SCN10A: variants seen among roughly 807,000 people sequenced by gnomAD.
The protein encoded by SCN10A is sodium channel protein type 10 subunit alpha.
In SCN10A, 162 loss-of-function variants were observed where a neutral mutation model predicts 170.7. The observed-to-expected ratio is 0.95, with a 90% CI of 0.84 to 1.08. SCN10A has a LOEUF of 1.08. Among genes scored for constraint, SCN10A ranks in the 50% least tolerant of loss-of-function variants. SCN10A has a pLI of 0.00. For synonymous variants in SCN10A, 985 were observed against 904.6 expected (o/e 1.09, Z -1.59); for missense variants, 2,527 against 2,436.9 (o/e 1.04, Z -0.78).
At chr3:38,730,921 A>T (rs1273720760) in intron 15 of SCN10A, among the ~76,000 whole-genome samples, 1 of 152,200 alleles carries the variant, frequency 6.6e-6, no homozygotes, top group Non-Finnish European at 1.5e-5. Flanking sequence ...CCAGAAGGAG[A>T]AAAAATAGAA....
intron 23 of SCN10A, 76 bp from the exon 24 acceptor site, chr3:38,710,973 C>T: frequency 7.8e-7 from 1 of 1,282,136 alleles, no homozygotes. Flanking sequence ...CATGGTGGCC[C>T]AGTGAGAGAG....
chr3:38,721,837 T>G (rs952710785), intron 20 of SCN10A, among the ~76,000 whole-genome samples: 1 of 152,224 alleles, frequency 6.6e-6, no homozygotes, highest in African/African-American at 2.4e-5. Context: ...TAGTCCTTTT[T>G]GTATTGTAGG....
chr3:38,771,984 T>C (rs2126041520), intron 4 of SCN10A, among the ~76,000 whole-genome samples: 1 of 152,294 alleles, frequency 6.6e-6, no homozygotes, highest in Middle Eastern at 3.4e-3. Context: ...CTTGAAAGTT[T>C]TTTACAGGAA....
chr3:38,811,039 T>C (rs186691106), intron 1 of SCN10A, among the ~76,000 whole-genome samples: 3 of 152,226 alleles, frequency 2.0e-5, no homozygotes, highest in African/African-American at 7.2e-5. Flanking sequence ...TAATCTTGGA[T>C]ACTGGAGCCA....
intron 3 of SCN10A, among the ~76,000 whole-genome samples, chr3:38,790,525 T>A (rs1320867998): frequency 6.6e-6 from 1 of 151,988 alleles, no homozygotes; most frequent in African/African-American, 2.4e-5. Context: ...TCAACCAGAA[T>A]CCATAAAGAG....
chr3:38,706,540 C>T (rs1251651928), intron 26 of SCN10A, among the ~76,000 whole-genome samples: 1 of 152,180 alleles, frequency 6.6e-6, no homozygotes, highest in Admixed American at 6.5e-5. Flanking sequence ...CATCTTCACC[C>T]CCAAACCTGT....
chr3:38,733,543 T>A (rs2063531085), intron 15 of SCN10A, among the ~76,000 whole-genome samples: 1 of 152,192 alleles, frequency 6.6e-6, no homozygotes, highest in East Asian at 1.9e-4. Flanking sequence ...AGCTAACTTT[T>A]GGCTTTGATT....
At chr3:38,709,409 TG>T in intron 25 of SCN10A, 68 bp downstream of exon 25, 1 of 1,499,712 alleles carries the variant, frequency 6.7e-7, no homozygotes, top group South Asian at 1.4e-5. Context: ...AGGCCAGAGC[TG>T]GGCAGGGAAC....
chr3:38,739,484 T>G, intron 15 of SCN10A, 31 bp downstream of exon 15: 1 of 1,594,002 alleles, frequency 6.3e-7, no homozygotes, highest in Non-Finnish European at 8.6e-7. Context: ...TGGGTGGGAG[T>G]TTCCCCAAGC....
rs773662455 is a variant in SCN10A, at chr3:38,718,763, T to C, written c.3571A>G (p.Arg1191Gly). 1 of 1,614,228 alleles carries C rather than the reference T, an allele frequency of 6.2e-7. No homozygotes were observed. The highest frequency in any genetic ancestry group is 2.2e-5 in the East Asian group (1 of 44,892). Reference protein sequence around the residue: ...TVKALLEYTDRVFTFIFVFEM... With the variant: ...TVKALLEYTDGVFTFIFVFEM... ...AACACAAAGATAAAGGTGAAGACCC[T>C]GTCAGTGTACTCCAGCAAAGCTTTC... The change falls in exon 21 of 28, where the codon AGG becomes GGG. Residue 1191 changes from arginine (R) to glycine (G), a missense_variant. By Grantham distance (125) the Arg-to-Gly change is moderately radical. Transcript: ENST00000449082.
Position 38,757,071 on chromosome 3 carries a change from G to A in SCN10A, c.1039C>T (p.Leu347Phe). 6.2e-7 allele frequency: 1 copy of A among 1,613,870 alleles called. No individual in the cohort carries two copies. The highest frequency in any genetic ancestry group is 8.5e-7 in the Non-Finnish European group (1 of 1,179,894). ...TSFDSFAWAF[L>F]SLFRLMTQDS... is the part of the protein sequence containing the mutation. ...TGTGTCATGAGGCGGAACAGTGAGAGGAAAGCCCAAGCAAAGGAATCAAAG... is the reference window on the plus strand; with the variant it reads ...TGTGTCATGAGGCGGAACAGTGAGAAGAAAGCCCAAGCAAAGGAATCAAAG... Residue 347 changes from leucine (L) to phenylalanine (F), a missense_variant, in exon 9 of 28, where the codon CTC (leucine) becomes TTC (phenylalanine). Leu to Phe is a conservative substitution (Grantham distance 22). Transcript: ENST00000449082.
rs765812732 is a variant in SCN10A at position 38,771,376 on chromosome 3, C to T, written c.502G>A (p.Ala168Thr). The T allele has an allele frequency of 2.5e-6, 4 of 1,613,956 alleles. No homozygotes were observed. In the African/African-American group the frequency reaches 5.3e-5, roughly 22 times the overall value. The change falls in exon 5 of 28, where the codon GCC becomes ACC. Residue 168 changes from alanine to threonine, a missense_variant. Physicochemically the swap from Ala to Thr is moderately conservative, Grantham distance 58. Coordinates refer to ENST00000449082, the MANE Select transcript of SCN10A (RefSeq NM_006514.4). The stretch of plus-strand genomic sequence containing the variant: ...CCTCTTGCCAGTATCTTTATCAAGG[C>T]TTCAAAGGTGTAAATGACAGTGAAG... The part of the protein sequence containing the change: ...YVFTVIYTFE[A>T]LIKILARGFC...
In SCN10A at chr3:38,769,353, C is replaced by T. The variant is rs112098638; in HGVS notation, c.599+1926G>A. On this transcript the variant is annotated intron_variant, in intron 5 of 27. Coordinates refer to ENST00000449082, the MANE Select transcript of SCN10A (RefSeq NM_006514.4). ...TCCCAGGTTCAAGCAATTCTCCTGC[C>T]TCAGTCTCCTGAGTAGCTGGGATTA... Among the ~76,000 whole-genome samples the T allele has an allele frequency of 2.8e-3, 422 of 151,800 alleles. 2 individuals carry two copies. Among genetic ancestry groups the T allele is most frequent in the African/African-American group, 7.9e-3 (325 of 41,314 alleles).
chr3:38,702,145 G>A, intron 26 of SCN10A, 36 bp from the exon 27 acceptor site: 2 of 1,520,556 alleles, frequency 1.3e-6, no homozygotes, highest in South Asian at 1.3e-5. Flanking sequence ...CAGGGCCTTT[G>A]GGCCAGCACA....
Position 38,718,640 on chromosome 3 carries a change from C to G in SCN10A, c.3681+13G>C. 1 of 1,613,844 alleles carries G rather than the reference C, an allele frequency of 6.2e-7. No individual in the cohort carries two copies. On this transcript the variant is annotated intron_variant, in intron 21 of 27. Coordinates refer to ENST00000449082, the MANE Select transcript of SCN10A (RefSeq NM_006514.4). ...GGACCCCAAACCCCACGTGTTCCCA[C>G]TGAGCCACTCACATTCACAATGAGG...
At chr3:38,747,973 A>G (rs988844853) in intron 13 of SCN10A, among the ~76,000 whole-genome samples, 3 of 152,170 alleles carry the variant, frequency 2.0e-5, no homozygotes, top group East Asian at 1.9e-4. Context: ...GCGCAAGCTT[A>G]TATCAGTTCA....
intron 20 of SCN10A, among the ~76,000 whole-genome samples, chr3:38,719,077 C>A (rs973441206): frequency 6.6e-6 from 1 of 152,208 alleles, no homozygotes; most frequent in African/African-American, 2.4e-5. Flanking sequence ...TGCAGGGATG[C>A]TGAATGCAAG....
rs747051634 is a variant in SCN10A, at chr3:38,752,446, G to A, written c.1528C>T (p.Pro510Ser). 10 of 1,613,066 alleles carry A rather than the reference G, an allele frequency of 6.2e-6. No individual in the cohort carries two copies. In the South Asian group the frequency reaches 7.7e-5, roughly 12 times the overall value. ...SHGSVFHFRSPGRDISLPEGV... is the reference protein window; with the variant it reads ...SHGSVFHFRSSGRDISLPEGV... Reference sequence around the variant, plus strand: ...TCAGGGAGTGAGATATCTCGGCCAGGGGACCGGAAATGGAACACACTGCCA... The same window carrying A: ...TCAGGGAGTGAGATATCTCGGCCAGAGGACCGGAAATGGAACACACTGCCA... Residue 510 changes from proline to serine, a missense_variant, in exon 12 of 28, where the codon CCT becomes TCT. Pro to Ser is a moderately conservative substitution (Grantham distance 74). Coordinates refer to ENST00000449082, the MANE Select transcript of SCN10A (RefSeq NM_006514.4).
chr3:38,772,730 C>CAAAAAA (rs769751821), intron 4 of SCN10A, among the ~76,000 whole-genome samples: 1 of 95,740 alleles, frequency 1.0e-5, no homozygotes, highest in African/African-American at 4.0e-5. Context: ...ACAACAAAAA[C>CAAAAAA]AAAAACAAAA....
Sources: allele counts gnomAD v4.1 joint callset (sites outside exome capture counted in the v4.1 genomes callset), GRCh38; gene constraint gnomAD v4.1.1; transcripts MANE v1.5; gene names NCBI Gene and HGNC (gene_info 2026-07-23, HGNC 2026-07-21).